CAPRIN2: variants seen among roughly 807,000 people sequenced by gnomAD.
CAPRIN2 encodes caprin-2.
A neutral mutation model predicts 130.4 loss-of-function variants in CAPRIN2; 66 were observed. The observed-to-expected ratio is 0.51, with a 90% CI of 0.42 to 0.62. The LOEUF (loss-of-function observed/expected upper bound fraction) is 0.62, where lower values mean the gene tolerates loss of function less well. CAPRIN2 is among the 20% of genes least tolerant of loss of function. The pLI is 0.00. For missense variants in CAPRIN2, 1,185 were observed against 1,246.6 expected, an observed-to-expected ratio of 0.95 and a Z score of 0.74; for synonymous variants, 471 against 444.1, an observed-to-expected ratio of 1.06 and a Z score of -0.76.
intron 13 of CAPRIN2, chr12:30,715,746 C>T (rs1181027119): frequency 5.1e-6 from 1 of 196,238 alleles, no homozygotes; most frequent in Non-Finnish European, 1.1e-5. Flanking sequence ...AAAATGGATT[C>T]TAATTAATAT....
intron 1 of CAPRIN2, 26 bp from the exon 3 acceptor site, chr12:30,751,159 C>A: frequency 6.4e-7 from 1 of 1,572,998 alleles, no homozygotes; most frequent in South Asian, 1.1e-5. Context: ...TTGTATCTAC[C>A]ATAGTCTGAC....
At chr12:30,753,667 C>A in exon 1 of CAPRIN2, 2 of 1,614,130 alleles carry the variant, frequency 1.2e-6, no homozygotes, top group Middle Eastern at 1.6e-4. Flanking sequence ...CACAGCCAGG[C>A]AATAACTTCC....
intron 3 of CAPRIN2, among the ~76,000 whole-genome samples, chr12:30,736,272 T>G (rs1020973399): frequency 2.0e-5 from 3 of 152,152 alleles, no homozygotes; most frequent in African/African-American, 7.2e-5. Context: ...CAGAAAGGAC[T>G]TGCATTTAAC....
chr12:30,749,669 T>C (rs879415379), intron 2 of CAPRIN2, among the ~76,000 whole-genome samples: 10 of 152,062 alleles, frequency 6.6e-5, no homozygotes, highest in Admixed American at 6.6e-4. Flanking sequence ...ATAGCTAAGA[T>C]TAGAGGAGGA....
intron 10 of CAPRIN2, 121 bp downstream of exon 11, chr12:30,724,249 T>C (rs910098678): frequency 2.7e-5 from 18 of 658,470 alleles, no homozygotes; most frequent in East Asian, 8.2e-5. Context: ...TGGATACAGT[T>C]AGAATAAATT....
At chr12:30,729,051 T>G in exon 8 of CAPRIN2, 1 of 1,614,180 alleles carries the variant, frequency 6.2e-7, no homozygotes, top group Non-Finnish European at 8.5e-7. Flanking sequence ...GGAGATCTCC[T>G]GCTTCTTCTG....
At chr12:30,739,757 C>T (rs1198663633) in intron 3 of CAPRIN2, among the ~76,000 whole-genome samples, 1 of 151,568 alleles carries the variant, frequency 6.6e-6, no homozygotes, top group Non-Finnish European at 1.5e-5. Flanking sequence ...CTCTGAGTCT[C>T]AGATTCCTGA....
chr12:30,734,656 G>A (rs2063854894), intron 4 of CAPRIN2, among the ~76,000 whole-genome samples: 2 of 151,998 alleles, frequency 1.3e-5, no homozygotes, highest in Admixed American at 1.3e-4. Context: ...TATTATACTT[G>A]TACAGGATTA....
chr12:30,745,818 T>A (rs561654879), intron 2 of CAPRIN2, among the ~76,000 whole-genome samples: 1 of 152,054 alleles, frequency 6.6e-6, no homozygotes, highest in South Asian at 2.1e-4. Context: ...AAGAGTAAAC[T>A]AAGGAAAGAA....
intron 2 of CAPRIN2, 59 bp downstream of exon 3, chr12:30,751,012 G>T: frequency 1.7e-6 from 2 of 1,210,514 alleles, no homozygotes; most frequent in Non-Finnish European, 2.5e-6. Flanking sequence ...CTAAATCCAT[G>T]TAGTTTTATT....
chr12:30,723,288 G>T (rs79465544), exon 11 of CAPRIN2: 1 of 1,612,120 alleles, frequency 6.2e-7, no homozygotes, highest in South Asian at 1.1e-5. Context: ...AAATCACTTT[G>T]ACTGGACAGA....
At chr12:30,713,714 A>G (rs1042281973) in intron 15 of CAPRIN2, 71 bp downstream of exon 17, 1 of 863,140 alleles carries the variant, frequency 1.2e-6, no homozygotes, top group Non-Finnish European at 1.9e-6. Context: ...TGACTCTGCG[A>G]TATACTTCAA....
chr12:30,739,968 C>A lies in CAPRIN2; in HGVS notation c.570+1052G>T, dbSNP rs7954995. On this transcript the variant is annotated intron_variant, in intron 3 of 16. Transcript: ENST00000298892. ...GGTAACTCTGAGTAAAGACAGAAGA[C>A]AGAAAATTTTAAATATCATAAAAGT... Among the ~76,000 whole-genome samples the A allele has an allele frequency of 9.5e-3, 1,450 of 152,192 alleles. 20 individuals carry two copies. The highest frequency in any genetic ancestry group is 0.033 in the African/African-American group (1,382 of 41,532).
chr12:30,728,740 G>C, exon 8 of CAPRIN2: 5 of 1,614,134 alleles, frequency 3.1e-6, no homozygotes, highest in Non-Finnish European at 3.4e-6. Flanking sequence ...GGAGAAATCT[G>C]TGACTGTGAT....
intron 2 of CAPRIN2, among the ~76,000 whole-genome samples, chr12:30,749,506 T>C (rs1011861593): frequency 5.9e-5 from 9 of 152,206 alleles, no homozygotes; most frequent in Admixed American, 5.2e-4. Flanking sequence ...ATAGCCTAGA[T>C]GAAGATGGCA....
At chr12:30,732,826 C>T (rs1390396693) in intron 5 of CAPRIN2, among the ~76,000 whole-genome samples, 1 of 152,026 alleles carries the variant, frequency 6.6e-6, no homozygotes, top group Non-Finnish European at 1.5e-5. Context: ...TGTACAAGTA[C>T]TTATATGAAC....
chr12:30,724,811 G>A (rs1384267207), intron 9 of CAPRIN2, among the ~76,000 whole-genome samples: 4 of 151,942 alleles, frequency 2.6e-5, no homozygotes, highest in African/African-American at 4.8e-5. Flanking sequence ...GAAAAAAAGC[G>A]AGACCTTGTT....
chr12:30,729,907 C>T (rs2062057562), intron 7 of CAPRIN2, among the ~76,000 whole-genome samples: 1 of 152,160 alleles, frequency 6.6e-6, no homozygotes, highest in African/African-American at 2.4e-5. Flanking sequence ...AAGTCCTGCG[C>T]ATCTTAAAGT....
chr12:30,724,432 T>C, exon 10 of CAPRIN2: 1 of 1,611,906 alleles, frequency 6.2e-7, no homozygotes, highest in Non-Finnish European at 8.5e-7. Flanking sequence ...TGAAGGTTTG[T>C]CAAAGTCAAG....
Sources: allele counts gnomAD v4.1 joint callset (sites outside exome capture counted in the v4.1 genomes callset), GRCh38; gene constraint gnomAD v4.1.1; transcripts MANE v1.5; gene names NCBI Gene and HGNC (gene_info 2026-07-23, HGNC 2026-07-21).